Variants in ERFL observed in about 807,000 individuals in gnomAD.
The protein encoded by ERFL is ETS repressor factor like.
In ERFL, 8 loss-of-function variants were observed where a neutral mutation model predicts 27.9. The ratio of observed to expected loss-of-function variants is 0.29; its 90% CI spans 0.17 to 0.52. ERFL has a LOEUF of 0.52. ERFL is among the 20% of genes least tolerant of loss of function. ERFL has a pLI of 0.97. For missense variants in ERFL, 294 were observed against 444.4 expected (o/e 0.66, Z 3.04); for synonymous variants, 174 against 202.8 (o/e 0.86, Z 1.21).
Position 41,907,763 on chromosome 19 carries a change from T to G in ERFL, c.*465A>C. On this transcript the variant is annotated 3_prime_UTR_variant, in exon 6 of 6. Transcript: ENST00000597630. The stretch of plus-strand genomic sequence containing the variant: ...TCTCTGGAGGTGACTGTTGGGATCA[T>G]GGGGAGCTGGTGGGGAGGGGGGCCC... 3 of 178,646 alleles carry G rather than the reference T, an allele frequency of 1.7e-5. No homozygotes were observed. The highest frequency in any genetic ancestry group is 3.5e-5 in the Non-Finnish European group (3 of 86,554). 11.1% of individuals were successfully genotyped at this position (178,646 alleles called of 1,614,324 possible).
At chr19:41,924,509 C>T (rs2074860232) in intron 1 of ERFL, among the ~76,000 whole-genome samples, 1 of 152,030 alleles carries the variant, frequency 6.6e-6, no homozygotes. Flanking sequence ...CTGTCATCAC[C>T]ATCACCCTCA....
chr19:41,909,632 G>T lies in ERFL; in HGVS notation c.303-161C>A, dbSNP rs1433674219. ...CCCTTAATAGGGATCACAGGGCAAG[G>T]AAGGGATGAGGCAGGAGCGGGGACC... On this transcript the variant is annotated intron_variant, in intron 3 of 5. Transcript: ENST00000597630. The surrounding 1 kb of genome is among the most constrained non-coding windows in gnomAD (Gnocchi z 5.2). Among the ~76,000 whole-genome samples, 1 of 152,174 alleles carries T rather than the reference G, an allele frequency of 6.6e-6. No individual in the cohort carries two copies. The highest frequency in any genetic ancestry group is 1.9e-4 in the East Asian group (1 of 5,190).
In ERFL at chr19:41,910,347, C is replaced by T. The variant is rs1393651930; in HGVS notation, c.68-250G>A. On this transcript the variant is annotated intron_variant, in intron 2 of 5. Transcript: ENST00000597630. This position sits in a 1 kb window ranked among gnomAD's most constrained non-coding sequence, Gnocchi z 4.4. Reference sequence around the variant, plus strand: ...TCTGATCCCCTACCTTGGCATAGCTCCCCCAGGCTCAGCATCCAGAGGTGG... The same window carrying T: ...TCTGATCCCCTACCTTGGCATAGCTTCCCCAGGCTCAGCATCCAGAGGTGG... 2.0e-5 allele frequency among the ~76,000 whole-genome samples: 3 copies of T among 152,106 alleles called. No homozygotes were observed. The highest frequency in any genetic ancestry group is 7.2e-5 in the African/African-American group (3 of 41,402).
At position 41,917,437 on chromosome 19, in the gene ERFL, T is replaced by C. The variant is rs1246020495; in HGVS notation, c.-13-4505A>G. Among the ~76,000 whole-genome samples the C allele has an allele frequency of 1.3e-5, 2 of 151,682 alleles. No homozygotes were observed. The highest frequency in any genetic ancestry group is 3.9e-4 in the East Asian group (2 of 5,150). On this transcript the variant is annotated intron_variant, in intron 1 of 5. Coordinates refer to ENST00000597630, the MANE Select transcript of ERFL (RefSeq NM_001365103.2). The surrounding 1 kb of genome is among the most constrained non-coding windows in gnomAD (Gnocchi z 4.8). Reference sequence around the variant, plus strand: ...GCCGCCTCGGGAGCCGCCTCGGGCCTCGCACCCCCACCACCAGCCCCTTCA... The same window carrying C: ...GCCGCCTCGGGAGCCGCCTCGGGCCCCGCACCCCCACCACCAGCCCCTTCA...
chr19:41,924,585 C>T (rs1555853058), intron 1 of ERFL, among the ~76,000 whole-genome samples: 1 of 152,048 alleles, frequency 6.6e-6, no homozygotes. Context: ...TGTGGTGGAA[C>T]AGGTGGGGCA....
At position 41,908,337 on chromosome 19, in the gene ERFL, G is replaced by A. The variant is rs978819529; in HGVS notation, c.956C>T (p.Ser319Leu). The A allele has an allele frequency of 4.7e-5, 58 of 1,231,340 alleles. No homozygotes were observed. The highest frequency in any genetic ancestry group is 5.4e-5 in the Non-Finnish European group (53 of 987,818). The allele number at this position is 1,231,340 out of a possible 1,614,324, so 76.3% of individuals were successfully genotyped here. ...AALGGKEDSD[S>L]ELEITDVSGC... ...GCTGACGTCGGTGATCTCCAGCTCC[G>A]AGTCGCTGTCCTCCTTCCCACCAAG... Residue 319 changes from serine to leucine, a missense_variant, in exon 6 of 6, where the codon TCG becomes TTG. This residue lies in a region of ERFL where 246 missense variants were observed against 371.4 expected (regional missense o/e 0.66). Transcript: ENST00000597630. This position sits in a 1 kb window ranked among gnomAD's most constrained non-coding sequence, Gnocchi z 6.7.
rs1555851615 is a variant in ERFL, at chr19:41,914,633, CTGT to C, written c.-13-1704_-13-1702del. Among the ~76,000 whole-genome samples, 35 of 52,628 alleles carry C rather than the reference CTGT, an allele frequency of 6.7e-4. 6 individuals are homozygous for C. Among genetic ancestry groups the C allele is most frequent in the Non-Finnish European group, 9.5e-4 (28 of 29,482 alleles). The allele number at this position is 52,628 out of a possible 152,430, so 34.5% of individuals were successfully genotyped here. A position where few individuals can be genotyped will look rare whatever the true frequency, so the allele number is the denominator to read the frequency against. On this transcript the variant is annotated intron_variant, in intron 1 of 5. Transcript: ENST00000597630. ...CCCTCCCCTTCCACCATCTCTGTCT[CTGT>C]CTCTCCCTCCCTTTCCACCATCTCT...
At chr19:41,926,204 G>A (rs1329678305) in intron 1 of ERFL, among the ~76,000 whole-genome samples, 1 of 152,008 alleles carries the variant, frequency 6.6e-6, no homozygotes, top group East Asian at 1.9e-4. Flanking sequence ...GGAGGGGCAG[G>A]TAAGAGGGGA....
intron 1 of ERFL, among the ~76,000 whole-genome samples, chr19:41,925,551 G>C (rs1555853183): frequency 6.6e-6 from 1 of 152,164 alleles, no homozygotes; most frequent in African/African-American, 2.4e-5. Context: ...GAAACTCTGA[G>C]GGGACAAGAG....
intron 1 of ERFL, among the ~76,000 whole-genome samples, chr19:41,919,494 C>T (rs564157211): frequency 5.4e-5 from 8 of 148,302 alleles, no homozygotes; most frequent in African/African-American, 1.6e-4. Flanking sequence ...TTACCACCCA[C>T]GTGTGCACGT....
chr19:41,914,606 C>CCGTCTT (rs1356859174), intron 1 of ERFL, among the ~76,000 whole-genome samples: 1 of 59,496 alleles, frequency 1.7e-5, no homozygotes, highest in Non-Finnish European at 3.2e-5. Context: ...ATCTCTGTCT[C>CCGTCTT]TCCCTCCCCT....
intron 2 of ERFL, 148 bp downstream of exon 2, chr19:41,912,705 G>C (rs534274781): frequency 5.8e-5 from 23 of 399,042 alleles, no homozygotes; most frequent in Admixed American, 5.3e-4. Flanking sequence ...TCTCAGAAGG[G>C]GTTTGATTTG....
intron 1 of ERFL, among the ~76,000 whole-genome samples, chr19:41,922,612 A>T (rs2145907643): frequency 6.7e-6 from 1 of 150,040 alleles, no homozygotes; most frequent in South Asian, 2.1e-4. Flanking sequence ...CCGAGGGACG[A>T]GGGACCAGAG....
At chr19:41,913,629 C>G (rs1190436591) in intron 1 of ERFL, among the ~76,000 whole-genome samples, 8 of 151,666 alleles carry the variant, frequency 5.3e-5, no homozygotes, top group African/African-American at 1.7e-4. Context: ...AGACCCCTGT[C>G]ACTTGGATCT....
chr19:41,916,469 T>C lies in ERFL; in HGVS notation c.-13-3537A>G, dbSNP rs2074802400. Among the ~76,000 whole-genome samples the C allele has an allele frequency of 6.7e-6, 1 of 149,382 alleles. No individual in the cohort carries two copies. The highest frequency in any genetic ancestry group is 1.5e-5 in the Non-Finnish European group (1 of 67,232). On this transcript the variant is annotated intron_variant, in intron 1 of 5. Coordinates refer to ENST00000597630, the MANE Select transcript of ERFL (RefSeq NM_001365103.2). The surrounding 1 kb of genome is among the most constrained non-coding windows in gnomAD (Gnocchi z 5.4). ...CAGATGCACAGAAACAGACACACAG[T>C]TTTACACAAATACACACATGACACA...
intron 2 of ERFL, among the ~76,000 whole-genome samples, chr19:41,911,057 T>C (rs1420579073): frequency 6.6e-6 from 1 of 151,936 alleles, no homozygotes; most frequent in Non-Finnish European, 1.5e-5. Flanking sequence ...CACCAAGATA[T>C]CCATGTCCCC....
Position 41,917,118 on chromosome 19 carries a change from G to T in ERFL, c.-13-4186C>A, listed in dbSNP as rs2074806211. Among the ~76,000 whole-genome samples the T allele has an allele frequency of 6.6e-6, 1 of 152,150 alleles. No homozygotes were observed. The highest frequency in any genetic ancestry group is 1.5e-5 in the Non-Finnish European group (1 of 68,022). The stretch of plus-strand genomic sequence containing the variant: ...TCGGTCTCTCTCAGCCCCTTCGGGT[G>T]TCGGCGCATCTTTCTGTCTGTCTCT... On this transcript the variant is annotated intron_variant, in intron 1 of 5. Transcript: ENST00000597630. This position sits in a 1 kb window ranked among gnomAD's most constrained non-coding sequence, Gnocchi z 4.8.
Position 41,909,503 on chromosome 19 carries a change from C to T in ERFL, c.303-32G>A. On this transcript the variant is annotated intron_variant, in intron 3 of 5. Transcript: ENST00000597630. The surrounding 1 kb of genome is among the most constrained non-coding windows in gnomAD (Gnocchi z 5.2). ...GGAGAGTGGTGGTGTTGGGGAGGTG[C>T]AGGGGGAGCCCTGGGGCGGGATCTG... The T allele has an allele frequency of 8.0e-7, 1 of 1,252,124 alleles. No homozygotes were observed. The highest frequency in any genetic ancestry group is 1.5e-5 in the African/African-American group (1 of 64,656). 77.6% of individuals were successfully genotyped at this position (1,252,124 alleles called of 1,614,324 possible). A position where few individuals can be genotyped will look rare whatever the true frequency, so the allele number is the denominator to read the frequency against.
At chr19:41,927,115 C>G (rs2074876334) in intron 1 of ERFL, among the ~76,000 whole-genome samples, 1 of 151,834 alleles carries the variant, frequency 6.6e-6, no homozygotes, top group South Asian at 2.1e-4. Context: ...GATAGAGAGA[C>G]AGATCCTGGG....
Sources: gnomAD v4.1 joint callset for allele counts (sites outside exome capture counted in the v4.1 genomes callset) on GRCh38, gnomAD v4.1.1 for gene constraint, gnomAD v4.1.1 regional missense constraint, Gnocchi (gnomAD v3.1) non-coding constraint, MANE v1.5 for transcripts, NCBI Gene and HGNC (gene_info 2026-07-23, HGNC 2026-07-21) for gene names.